The following TMEFF1 variants were observed in gnomAD, a reference collection of about 807,000 sequenced individuals.
TMEFF1 encodes the protein transmembrane protein with EGF like and two follistatin like domains 1, also known as tomoregulin-1.
Under a neutral mutation model 47.5 loss-of-function variants are expected in TMEFF1, and 20 were observed. That is an observed-to-expected ratio of 0.42 (90% confidence interval 0.30 to 0.61). The LOEUF (loss-of-function observed/expected upper bound fraction) is 0.61. Among genes scored for constraint, TMEFF1 ranks in the 20% least tolerant of loss-of-function variants. TMEFF1 has a pLI of 0.19. For synonymous variants in TMEFF1, 162 were observed against 166.3 expected, an observed-to-expected ratio of 0.97 and a Z score of 0.20; for missense variants, 411 against 471.1, an observed-to-expected ratio of 0.87 and a Z score of 1.18.
chr9:100,544,018 G>A (rs1360667012), intron 5 of TMEFF1, among the ~76,000 whole-genome samples: 2 of 151,954 alleles, frequency 1.3e-5, no homozygotes, highest in East Asian at 3.9e-4. Context: ...ATGGGTCAGT[G>A]CAACCTTTTT....
chr9:100,513,264 T>C, intron 3 of TMEFF1, 43 bp from the exon 4 acceptor site: 2 of 1,577,684 alleles, frequency 1.3e-6, no homozygotes, highest in South Asian at 2.4e-5. Flanking sequence ...AGATGAAATT[T>C]CCGGGAAAAA....
intron 5 of TMEFF1, among the ~76,000 whole-genome samples, chr9:100,523,637 T>C (rs1838206954): frequency 6.6e-6 from 1 of 152,198 alleles, no homozygotes; most frequent in Admixed American, 6.5e-5. Context: ...TCTCAGTAAC[T>C]TGACATGAAT....
chr9:100,478,476 G>T (rs1208242067), intron 1 of TMEFF1, among the ~76,000 whole-genome samples: 1 of 152,076 alleles, frequency 6.6e-6, no homozygotes, highest in Non-Finnish European at 1.5e-5. Flanking sequence ...ACCACACTCG[G>T]CTAATTTTTT....
intron 1 of TMEFF1, among the ~76,000 whole-genome samples, chr9:100,482,449 C>T (rs1484571706): frequency 2.0e-5 from 3 of 150,320 alleles, no homozygotes; most frequent in African/African-American, 4.9e-5. Flanking sequence ...CTGCCCGCCT[C>T]GGCCTCCCAA....
intron 6 of TMEFF1, among the ~76,000 whole-genome samples, chr9:100,548,237 A>C (rs1273388642): frequency 6.6e-6 from 1 of 152,142 alleles, no homozygotes; most frequent in East Asian, 1.9e-4. Context: ...AATTTCAGTA[A>C]AACTATGTTA....
At chr9:100,532,427 G>C (rs1020474444) in intron 5 of TMEFF1, among the ~76,000 whole-genome samples, 122 of 152,252 alleles carry the variant, frequency 8.0e-4, no homozygotes, top group African/African-American at 2.6e-3. Flanking sequence ...AGTGGGCAAA[G>C]GACATGAACA....
intron 5 of TMEFF1, among the ~76,000 whole-genome samples, chr9:100,539,255 C>T (rs561882692): frequency 1.1e-4 from 17 of 152,230 alleles, no homozygotes; most frequent in African/African-American, 3.6e-4. Context: ...AGTTGTTGGG[C>T]GTGTGCAAGT....
chr9:100,574,137 G>T (rs539708331), intron 9 of TMEFF1, among the ~76,000 whole-genome samples: 4 of 152,328 alleles, frequency 2.6e-5, no homozygotes, highest in African/African-American at 9.6e-5. Context: ...TATGACCATT[G>T]CATGGGAGCA....
intron 2 of TMEFF1, among the ~76,000 whole-genome samples, chr9:100,504,048 C>T (rs757923334): frequency 1.3e-5 from 2 of 152,166 alleles, no homozygotes; most frequent in African/African-American, 2.4e-5. Flanking sequence ...GTTCCAGAGT[C>T]GTACACTGCT....
intron 5 of TMEFF1, among the ~76,000 whole-genome samples, chr9:100,533,983 C>G (rs1221623339): frequency 6.6e-6 from 1 of 152,136 alleles, no homozygotes; most frequent in Non-Finnish European, 1.5e-5. Context: ...TTCTAAAGTG[C>G]TGGGATTACA....
intron 1 of TMEFF1, among the ~76,000 whole-genome samples, chr9:100,491,817 A>G (rs970038233): frequency 6.6e-6 from 1 of 152,122 alleles, no homozygotes; most frequent in Non-Finnish European, 1.5e-5. Flanking sequence ...TTATTTTAAC[A>G]TACACATATT....
rs1278782077 is a variant in TMEFF1 at position 100,473,847 on chromosome 9, CA to C, written c.196+108del. On this transcript the variant is annotated intron_variant, in intron 1 of 9. Coordinates refer to ENST00000374879, the MANE Select transcript of TMEFF1 (RefSeq NM_003692.5). This position sits in a 1 kb window ranked among gnomAD's most constrained non-coding sequence, Gnocchi z 5.4. ...GGGAAAGACCCCGTCGTGGGGGTCC[CA>C]GGGGTGGGCCCGAGGGTGAGCGAGG... The C allele has an allele frequency of 2.3e-6, 3 of 1,300,806 alleles. No homozygotes were observed. The highest frequency in any genetic ancestry group is 6.6e-5 in the Admixed American group (2 of 30,398). The allele number at this position is 1,300,806 out of a possible 1,614,324, so 80.6% of individuals were successfully genotyped here. A position where few individuals can be genotyped will look rare whatever the true frequency, so the allele number is the denominator to read the frequency against.
intron 2 of TMEFF1, among the ~76,000 whole-genome samples, chr9:100,501,005 T>A (rs1837745674): frequency 6.6e-6 from 1 of 152,086 alleles, no homozygotes; most frequent in African/African-American, 2.4e-5. Flanking sequence ...GTGCTCTGAG[T>A]TTATACGCGG....
chr9:100,570,742 A>G (rs1839224476), intron 8 of TMEFF1, among the ~76,000 whole-genome samples: 1 of 151,934 alleles, frequency 6.6e-6, no homozygotes, highest in Admixed American at 6.6e-5. Flanking sequence ...GTAGACTTGC[A>G]GCACCCCTGG....
intron 4 of TMEFF1, among the ~76,000 whole-genome samples, chr9:100,515,678 C>T (rs1381751244): frequency 1.3e-5 from 2 of 151,940 alleles, no homozygotes; most frequent in Non-Finnish European, 2.9e-5. Flanking sequence ...CCTGGCTACT[C>T]AGGAGGCTGA....
chr9:100,558,500 C>G (rs1838958412), intron 7 of TMEFF1, among the ~76,000 whole-genome samples: 1 of 151,354 alleles, frequency 6.6e-6, no homozygotes. Flanking sequence ...TAAACTATTT[C>G]TCATCAAAGC....
chr9:100,559,556 G>A (rs935825356), intron 7 of TMEFF1, among the ~76,000 whole-genome samples: 1 of 151,908 alleles, frequency 6.6e-6, no homozygotes, highest in Non-Finnish European at 1.5e-5. Context: ...TTTTAATATT[G>A]GTAGTATGTG....
chr9:100,568,897 C>G (rs1839177190), intron 8 of TMEFF1, among the ~76,000 whole-genome samples: 1 of 152,140 alleles, frequency 6.6e-6, no homozygotes, highest in Non-Finnish European at 1.5e-5. Context: ...TAACACATAT[C>G]AGTACTTCAT....
chr9:100,541,427 G>T lies in TMEFF1; in HGVS notation c.561-6317G>T, dbSNP rs1838628871. Among the ~76,000 whole-genome samples, 3 of 140,006 alleles carry T rather than the reference G, an allele frequency of 2.1e-5. No homozygotes were observed. The Admixed American group carries it at 2.3e-4, about 11-fold the overall frequency. 91.8% of individuals were successfully genotyped at this position (140,006 alleles called of 152,430 possible). A position where few individuals can be genotyped will look rare whatever the true frequency, so the allele number is the denominator to read the frequency against. On this transcript the variant is annotated intron_variant, in intron 5 of 9. Coordinates refer to ENST00000374879, the MANE Select transcript of TMEFF1 (RefSeq NM_003692.5). ...CTTACACTGTTGCCCAGGCTGGAGT[G>T]CAGTGGCGCTATCTTGGCTCACCAC...
Sources: allele counts gnomAD v4.1 joint callset (sites outside exome capture counted in the v4.1 genomes callset), GRCh38; gene constraint gnomAD v4.1.1; non-coding constraint Gnocchi (gnomAD v3.1); transcripts MANE v1.5; gene names NCBI Gene and HGNC (gene_info 2026-07-23, HGNC 2026-07-21).